The following CHST8 variants were observed in gnomAD, a reference collection of about 807,000 sequenced individuals.
The protein encoded by CHST8 is carbohydrate sulfotransferase 8, also known as GALNAC-4-ST1.
A neutral mutation model predicts 15.0 loss-of-function variants in CHST8; 10 were observed. That is an observed-to-expected ratio of 0.67 (90% CI 0.41 to 1.13). The LOEUF is 1.13. Among genes scored for constraint, CHST8 ranks in the 50% most tolerant of loss-of-function variants. The pLI is 0.00. For missense variants in CHST8, 634 were observed against 608.2 expected (o/e 1.04, Z -0.45); for synonymous variants, 259 against 256.6 (o/e 1.01, Z -0.09).
chr19:33,720,287 A>G (rs1432175068), intron 3 of CHST8, among the ~76,000 whole-genome samples: 1 of 151,466 alleles, frequency 6.6e-6, no homozygotes, highest in Non-Finnish European at 1.5e-5. Context: ...CCACACACAC[A>G]TACACACTCC....
chr19:33,727,377 C>T (rs945970754), intron 3 of CHST8, among the ~76,000 whole-genome samples: 2 of 152,100 alleles, frequency 1.3e-5, no homozygotes, highest in Non-Finnish European at 2.9e-5. Flanking sequence ...TATGTGTGAA[C>T]CCGTGTCTGT....
At chr19:33,635,885 G>A (rs944863230) in intron 1 of CHST8, among the ~76,000 whole-genome samples, 5 of 152,158 alleles carry the variant, frequency 3.3e-5, no homozygotes, top group Non-Finnish European at 7.4e-5. Flanking sequence ...TGCATGGACA[G>A]TGTGAGCCAA....
At chr19:33,707,652 TC>T (rs1410034257) in intron 3 of CHST8, among the ~76,000 whole-genome samples, 15 of 152,330 alleles carry the variant, frequency 9.8e-5, no homozygotes, top group African/African-American at 3.4e-4. Context: ...GTTGATCTGT[TC>T]ACCAGCTGCT....
chr19:33,681,776 G>A (rs532515831), intron 2 of CHST8, among the ~76,000 whole-genome samples: 1 of 152,196 alleles, frequency 6.6e-6, no homozygotes, highest in African/African-American at 2.4e-5. Context: ...AGTCAGGCCA[G>A]AGAACCTGGG....
Position 33,645,154 on chromosome 19 carries a change from T to C in CHST8, c.-163-22613T>C, listed in dbSNP as rs939238377. On this transcript the variant is annotated intron_variant, in intron 1 of 4. Transcript: ENST00000650847. ...AAATTCTGACCTGGGTGAAGATGAG[T>C]GTGGGCAGAGAGGGCACCCAGTGAA... 8.6e-5 allele frequency among the ~76,000 whole-genome samples: 13 copies of C among 151,542 alleles called. No individual in the cohort carries two copies. The East Asian group carries it at 2.3e-3, about 27-fold the overall frequency.
At chr19:33,762,111 T>C (rs1056179029) in intron 3 of CHST8, among the ~76,000 whole-genome samples, 2 of 152,174 alleles carry the variant, frequency 1.3e-5, no homozygotes, top group African/African-American at 4.8e-5. Flanking sequence ...GACATGCACA[T>C]GTGTAAGGGG....
At chr19:33,656,614 C>A (rs755107307) in intron 1 of CHST8, among the ~76,000 whole-genome samples, 16 of 152,122 alleles carry the variant, frequency 1.1e-4, no homozygotes, top group Non-Finnish European at 2.2e-4. Context: ...TGGCTCACTG[C>A]AGCCTTGAAA....
rs746017783 is a variant in CHST8, at chr19:33,771,952, C to G, written c.169-5C>G. ...CTCAGATAACCACTTCTCTTCTTGC[C>G]CCAGGACCTCCCACCAGGCGGCTCC... is the stretch of plus-strand genomic sequence containing the variant. On this transcript the variant is annotated splice_polypyrimidine_tract_variant and splice_region_variant and intron_variant, in intron 4 of 4. Transcript: ENST00000650847. 4.5e-6 allele frequency: 7 copies of G among 1,556,208 alleles called. No homozygotes were observed. Among genetic ancestry groups the G allele is most frequent in the Non-Finnish European group, 6.1e-6 (7 of 1,154,170 alleles).
intron 3 of CHST8, among the ~76,000 whole-genome samples, chr19:33,768,682 G>A (rs1000489249): frequency 4.6e-5 from 7 of 152,086 alleles, no homozygotes; most frequent in Admixed American, 2.0e-4. Context: ...TCGAACTCCC[G>A]GACTCAAGTG....
At chr19:33,770,587 G>T (rs1974958200) in intron 3 of CHST8, among the ~76,000 whole-genome samples, 1 of 152,250 alleles carries the variant, frequency 6.6e-6, no homozygotes, top group South Asian at 2.1e-4. Flanking sequence ...CTGGCCAAAG[G>T]TTCACCTCAC....
intron 2 of CHST8, among the ~76,000 whole-genome samples, chr19:33,675,067 C>T (rs1284934055): frequency 1.3e-5 from 2 of 152,194 alleles, no homozygotes; most frequent in Non-Finnish European, 2.9e-5. Flanking sequence ...TACATATGTC[C>T]ACTCAGGAGC....
intron 3 of CHST8, among the ~76,000 whole-genome samples, chr19:33,728,043 C>G (rs930782935): frequency 1.1e-4 from 16 of 152,272 alleles, no homozygotes; most frequent in Non-Finnish European, 2.2e-4. Flanking sequence ...TGCCTTCGCT[C>G]CCACGGCAGG....
At chr19:33,687,380 C>T (rs966434828) in intron 2 of CHST8, among the ~76,000 whole-genome samples, 1 of 152,246 alleles carries the variant, frequency 6.6e-6, no homozygotes, top group African/African-American at 2.4e-5. Flanking sequence ...TCCATTTCTA[C>T]TCTTTGCAGG....
intron 3 of CHST8, among the ~76,000 whole-genome samples, chr19:33,759,181 C>T (rs1351603961): frequency 2.0e-5 from 3 of 152,192 alleles, no homozygotes; most frequent in Admixed American, 6.5e-5. Flanking sequence ...GAGATTTGGG[C>T]GGGGACGAAT....
intron 3 of CHST8, among the ~76,000 whole-genome samples, chr19:33,747,644 C>A (rs1314727614): frequency 6.6e-6 from 1 of 152,120 alleles, no homozygotes; most frequent in Admixed American, 6.5e-5. Flanking sequence ...CCGGCAGGAG[C>A]AGGAGAGGGC....
chr19:33,627,251 C>T (rs1380666128), intron 1 of CHST8, among the ~76,000 whole-genome samples: 3 of 151,440 alleles, frequency 2.0e-5, no homozygotes, highest in Non-Finnish European at 2.9e-5. Context: ...CAGGCATGCA[C>T]CACCATGCCC....
At chr19:33,768,252 T>G (rs1390330426) in intron 3 of CHST8, among the ~76,000 whole-genome samples, 2 of 152,232 alleles carry the variant, frequency 1.3e-5, no homozygotes, top group Admixed American at 6.5e-5. Flanking sequence ...CCCTTTAGAT[T>G]TCCTTCATTA....
At chr19:33,759,931 C>G (rs1974682327) in intron 3 of CHST8, among the ~76,000 whole-genome samples, 1 of 152,120 alleles carries the variant, frequency 6.6e-6, no homozygotes, top group Non-Finnish European at 1.5e-5. Context: ...ACACTGCAAA[C>G]CAGGCTGCTC....
rs138837602 is a variant in CHST8 at position 33,704,578 on chromosome 19, C to T, written c.130+15187C>T. ...TGCAGGAGTGTAAGTCCAGGGTGGC[C>T]AGGTCATCCTTTTTGTTTTTGTTTT... On this transcript the variant is annotated intron_variant, in intron 3 of 4. Coordinates refer to ENST00000650847, the MANE Select transcript of CHST8 (RefSeq NM_001127895.2). Among the ~76,000 whole-genome samples the T allele has an allele frequency of 1.3e-4, 20 of 152,338 alleles. No homozygotes were observed. In the East Asian group the frequency reaches 3.7e-3, roughly 28 times the overall value.
Sources: allele counts gnomAD v4.1 joint callset (sites outside exome capture counted in the v4.1 genomes callset), GRCh38; gene constraint gnomAD v4.1.1; transcripts MANE v1.5; gene names NCBI Gene and HGNC (gene_info 2026-07-23, HGNC 2026-07-21).